The following ADCY2 variants were observed in gnomAD, a reference collection of about 807,000 sequenced individuals.
ADCY2 encodes the protein adenylate cyclase type 2.
In ADCY2, 31 loss-of-function variants were observed where a neutral mutation model predicts 125.2. That is an observed-to-expected ratio of 0.25 (90% CI 0.19 to 0.33). The LOEUF (loss-of-function observed/expected upper bound fraction) is 0.33, where lower values mean the gene tolerates loss of function less well. ADCY2 is among the 10% of genes least tolerant of loss of function. The pLI, the probability that ADCY2 is intolerant of heterozygous loss-of-function variation, is 1.00. For missense variants in ADCY2, 904 were observed against 1,418.2 expected, an observed-to-expected ratio of 0.64 and a Z score of 5.82; for synonymous variants, 512 against 548.4, an observed-to-expected ratio of 0.93 and a Z score of 0.93.
intron 4 of ADCY2, chr5:7,654,279 G>A (rs1739241057): frequency 2.6e-6 from 1 of 389,910 alleles, no homozygotes; most frequent in Non-Finnish European, 5.1e-6. Flanking sequence ...CCTAACAAGA[G>A]GAGCTCTGGT....
chr5:7,802,065 T>G lies in ADCY2; in HGVS notation c.2629-153T>G. 4.1e-6 allele frequency: 3 copies of G among 739,252 alleles called. No homozygotes were observed. Among genetic ancestry groups the G allele is most frequent in the Non-Finnish European group, 4.3e-6 (2 of 463,632 alleles). The allele number at this position is 739,252 out of a possible 1,614,324, so 45.8% of individuals were successfully genotyped here. ...CTTTCCCCTGAGAGCAGCGGCAGCA[T>G]CTGGATTGGGCCGCGGCTGGGGTGG... On this transcript the variant is annotated intron_variant, in intron 20 of 24. Transcript: ENST00000338316. The surrounding 1 kb of genome is among the most constrained non-coding windows in gnomAD (Gnocchi z 4.6).
At chr5:7,397,694 T>C (rs995978794) in intron 1 of ADCY2, among the ~76,000 whole-genome samples, 10 of 152,128 alleles carry the variant, frequency 6.6e-5, no homozygotes, top group African/African-American at 2.2e-4. Flanking sequence ...GTTACCATCA[T>C]GTTTTTAAAA....
chr5:7,763,179 C>T (rs1331490041), intron 16 of ADCY2, among the ~76,000 whole-genome samples: 1 of 151,942 alleles, frequency 6.6e-6, no homozygotes, highest in Admixed American at 6.5e-5. Context: ...CTGCAAGCTC[C>T]GCCTCCCGGG....
intron 15 of ADCY2, among the ~76,000 whole-genome samples, chr5:7,751,218 C>T (rs577474417): frequency 9.9e-5 from 15 of 152,260 alleles, no homozygotes; most frequent in East Asian, 7.7e-4. Flanking sequence ...TCCTTAACAA[C>T]TCACTCATTC....
chr5:7,492,813 C>T (rs1015791470), intron 2 of ADCY2, among the ~76,000 whole-genome samples: 1 of 151,982 alleles, frequency 6.6e-6, no homozygotes, highest in Non-Finnish European at 1.5e-5. Context: ...ATAGAAGACA[C>T]TATAGTTCTG....
At chr5:7,721,441 C>G (rs549975830) in intron 12 of ADCY2, among the ~76,000 whole-genome samples, 6 of 152,304 alleles carry the variant, frequency 3.9e-5, no homozygotes, top group African/African-American at 1.4e-4. Context: ...GTTGCCATCA[C>G]TTTTGGTGTT....
intron 2 of ADCY2, among the ~76,000 whole-genome samples, chr5:7,421,865 C>G (rs1310193212): frequency 2.0e-5 from 3 of 152,172 alleles, no homozygotes; most frequent in Non-Finnish European, 4.4e-5. Flanking sequence ...TTATACAAAC[C>G]TGTTTCTCTA....
At chr5:7,556,455 A>G (rs1735508405) in intron 3 of ADCY2, among the ~76,000 whole-genome samples, 1 of 152,254 alleles carries the variant, frequency 6.6e-6, no homozygotes, top group Non-Finnish European at 1.5e-5. Context: ...GTATTAGTTG[A>G]GCCATTATTG....
chr5:7,706,676 A>C, intron 7 of ADCY2, 68 bp from the exon 8 acceptor site: 11 of 1,526,382 alleles, frequency 7.2e-6, no homozygotes, highest in Admixed American at 1.7e-5. Context: ...AATACTGGGA[A>C]AATTGGCCAA....
chr5:7,765,589 G>C (rs865810917), intron 16 of ADCY2, among the ~76,000 whole-genome samples: 2 of 152,082 alleles, frequency 1.3e-5, no homozygotes, highest in Non-Finnish European at 2.9e-5. Flanking sequence ...AATAGACTAA[G>C]TAAATGTCTT....
chr5:7,756,400 G>A (rs111279026), intron 15 of ADCY2, among the ~76,000 whole-genome samples: 1,655 of 152,184 alleles, frequency 0.011, 26 homozygotes, highest in African/African-American at 0.038. Flanking sequence ...ATGTATAGCC[G>A]CATATTCACA....
At chr5:7,823,716 A>G (rs1347606421) in intron 24 of ADCY2, among the ~76,000 whole-genome samples, 1 of 152,136 alleles carries the variant, frequency 6.6e-6, no homozygotes, top group Non-Finnish European at 1.5e-5. Flanking sequence ...TGCTTTCTAG[A>G]TCCCCTAGCA....
intron 3 of ADCY2, among the ~76,000 whole-genome samples, chr5:7,555,003 G>A (rs1412248216): frequency 1.3e-5 from 2 of 152,166 alleles, no homozygotes; most frequent in African/African-American, 4.8e-5. Flanking sequence ...GGAAGTGGCA[G>A]TTTCATAAGC....
At chr5:7,809,220 T>C (rs1422834427) in intron 22 of ADCY2, among the ~76,000 whole-genome samples, 2 of 152,238 alleles carry the variant, frequency 1.3e-5, no homozygotes, top group Admixed American at 6.5e-5. Flanking sequence ...CATTGAAATA[T>C]GATATGTAGT....
rs749426941 is a variant in ADCY2 at position 7,773,035 on chromosome 5, A to G, written c.2318A>G (p.Tyr773Cys). ...MLIMMVALVG[Y>C]NTILLHTHAH... ...ATCATGATGGTGGCCTTGGTGGGCTACAACACCATCCTACTCCACACCCAC... is the reference window on the plus strand; with the variant it reads ...ATCATGATGGTGGCCTTGGTGGGCTGCAACACCATCCTACTCCACACCCAC... The change falls in exon 18 of 25, where the codon TAC becomes TGC. Residue 773 changes from tyrosine (Y) to cysteine (C), a missense_variant. By Grantham distance (194) the Tyr-to-Cys change is radical (BLOSUM62 -2). Transcript: ENST00000338316. 1 of 1,614,156 alleles carries G rather than the reference A, an allele frequency of 6.2e-7. No homozygotes were observed. Among genetic ancestry groups the G allele is most frequent in the Non-Finnish European group, 8.5e-7 (1 of 1,180,028 alleles).
intron 2 of ADCY2, among the ~76,000 whole-genome samples, chr5:7,515,109 C>T (rs772788435): frequency 1.6e-4 from 24 of 152,224 alleles, no homozygotes; most frequent in Non-Finnish European, 3.1e-4. Context: ...CCCTTCCACT[C>T]TACCTTTGTT....
At chr5:7,589,995 A>G (rs554308319) in intron 3 of ADCY2, among the ~76,000 whole-genome samples, 3 of 152,316 alleles carry the variant, frequency 2.0e-5, no homozygotes, top group African/African-American at 4.8e-5. Context: ...TGTTAGCCAC[A>G]GGTGGCTCAC....
At chr5:7,651,564 C>T (rs1739090482) in intron 4 of ADCY2, among the ~76,000 whole-genome samples, 1 of 152,168 alleles carries the variant, frequency 6.6e-6, no homozygotes, top group Non-Finnish European at 1.5e-5. Context: ...TGCTCTCCTG[C>T]CTGCTTTTAT....
At chr5:7,521,007 G>T (rs1199866773) in intron 3 of ADCY2, 108 bp downstream of exon 3, 2 of 1,373,676 alleles carry the variant, frequency 1.5e-6, no homozygotes, top group Admixed American at 1.8e-5. Flanking sequence ...ACCTGCAGCT[G>T]TTCCCTTTCT....
Sources: gnomAD v4.1 joint callset for allele counts (sites outside exome capture counted in the v4.1 genomes callset) on GRCh38, gnomAD v4.1.1 for gene constraint, Gnocchi (gnomAD v3.1) non-coding constraint, MANE v1.5 for transcripts, NCBI Gene and HGNC (gene_info 2026-07-23, HGNC 2026-07-21) for gene names.